The following BMPR1A variants were observed in gnomAD, a reference collection of about 807,000 sequenced individuals.
The protein encoded by BMPR1A is bone morphogenetic protein receptor type 1A.
In BMPR1A, 7 loss-of-function variants were observed where a neutral mutation model predicts 66.0. That is an observed-to-expected ratio of 0.11 (90% CI 0.06 to 0.20). The LOEUF is 0.20. BMPR1A is among the 10% of genes least tolerant of loss of function. The probability of loss-of-function intolerance (pLI) is 1.00; values close to 1 mark genes in which losing one functional copy is unlikely to be tolerated. For missense variants in BMPR1A, 408 were observed against 669.1 expected, an observed-to-expected ratio of 0.61 and a Z score of 4.31; for synonymous variants, 200 against 229.7, an observed-to-expected ratio of 0.87 and a Z score of 1.17.
intron 1 of BMPR1A, among the ~76,000 whole-genome samples, chr10:86,803,449 T>G (rs575296714): frequency 2.7e-4 from 40 of 150,502 alleles, no homozygotes; most frequent in African/African-American, 9.7e-4. Context: ...AACTTAGACA[T>G]TTTTTTCCCC....
At chr10:86,796,620 A>G (rs1841714737) in intron 1 of BMPR1A, among the ~76,000 whole-genome samples, 1 of 150,914 alleles carries the variant, frequency 6.6e-6, no homozygotes, top group South Asian at 2.1e-4. Flanking sequence ...TCTGTTGCCC[A>G]GGCTGGAGTA....
chr10:86,847,195 T>C (rs555536847), intron 2 of BMPR1A, among the ~76,000 whole-genome samples: 2 of 152,242 alleles, frequency 1.3e-5, no homozygotes, highest in South Asian at 4.2e-4. Context: ...GTTTGGGAAC[T>C]TGCAGCTCCA....
At position 86,925,971 on chromosome 10, in the gene BMPR1A, C is replaced by G; in HGVS notation, c.*2252C>G. On this transcript the variant is annotated 3_prime_UTR_variant, in exon 13 of 13. Transcript: ENST00000372037. The stretch of plus-strand genomic sequence containing the variant: ...CTCAATCTCCTGACCTCATGATCCA[C>G]CTGCCTCGGCCTCCCAAAGTTCATT... 1 of 169,490 alleles carries G rather than the reference C, an allele frequency of 5.9e-6. No homozygotes were observed. The highest frequency in any genetic ancestry group is 1.1e-4 in the East Asian group (1 of 8,952). The allele number at this position is 169,490 out of a possible 1,614,324, so 10.5% of individuals were successfully genotyped here.
intron 1 of BMPR1A, among the ~76,000 whole-genome samples, chr10:86,814,043 T>C (rs1842003871): frequency 6.6e-6 from 1 of 152,208 alleles, no homozygotes; most frequent in African/African-American, 2.4e-5. Context: ...CCCTTATAAA[T>C]TACTTGATGT....
intron 1 of BMPR1A, among the ~76,000 whole-genome samples, chr10:86,763,194 A>G (rs1259584055): frequency 6.6e-6 from 1 of 152,168 alleles, no homozygotes; most frequent in Non-Finnish European, 1.5e-5. Context: ...GCGCCCGGCC[A>G]GAAGTATTCG....
At chr10:86,810,131 C>T (rs903255656) in intron 1 of BMPR1A, among the ~76,000 whole-genome samples, 26 of 151,880 alleles carry the variant, frequency 1.7e-4, no homozygotes, top group Non-Finnish European at 1.0e-4. Context: ...CCACCACGCC[C>T]GACTAATTTT....
chr10:86,768,322 T>C (rs1038341982), intron 1 of BMPR1A, among the ~76,000 whole-genome samples: 6 of 152,224 alleles, frequency 3.9e-5, no homozygotes, highest in African/African-American at 7.2e-5. Flanking sequence ...AAAACTGTTA[T>C]CCAAAATGAA....
At chr10:86,768,917 G>T (rs1278097357) in intron 1 of BMPR1A, among the ~76,000 whole-genome samples, 1 of 135,840 alleles carries the variant, frequency 7.4e-6, no homozygotes, top group Non-Finnish European at 1.5e-5. Context: ...GCAGTTCAGT[G>T]CTTAACACTG....
chr10:86,801,039 T>C (rs1841804733), intron 1 of BMPR1A, among the ~76,000 whole-genome samples: 2 of 152,232 alleles, frequency 1.3e-5, no homozygotes, highest in Admixed American at 1.3e-4. Context: ...TCTGGAAATA[T>C]TGTTTGCATA....
chr10:86,766,996 G>GT lies in BMPR1A; in HGVS notation c.-268+10078dup, dbSNP rs1378449378. On this transcript the variant is annotated intron_variant, in intron 1 of 12. Coordinates refer to ENST00000372037, the MANE Select transcript of BMPR1A (RefSeq NM_004329.3). The stretch of plus-strand genomic sequence containing the variant: ...ACGTCACCATGTCCAGCTAATTTTT[G>GT]TATTTTTAGTAGAGACAGGGTTTCA... 4.6e-5 allele frequency among the ~76,000 whole-genome samples: 7 copies of GT among 152,130 alleles called. No homozygotes were observed. In the East Asian group the frequency reaches 7.7e-4, roughly 17 times the overall value.
At chr10:86,855,156 A>G in intron 2 of BMPR1A, 1 of 418,784 alleles carries the variant, frequency 2.4e-6, no homozygotes, top group Non-Finnish European at 4.3e-6. Context: ...TCCTGACATC[A>G]GGTGATCAAC....
At chr10:86,888,028 G>A (rs1033650535) in intron 3 of BMPR1A, among the ~76,000 whole-genome samples, 10 of 151,952 alleles carry the variant, frequency 6.6e-5, no homozygotes, top group African/African-American at 2.4e-4. Flanking sequence ...AGGTCTTTCC[G>A]CTTTGTAGCA....
At chr10:86,849,008 C>A (rs1441267012) in intron 2 of BMPR1A, among the ~76,000 whole-genome samples, 6 of 152,166 alleles carry the variant, frequency 3.9e-5, no homozygotes, top group African/African-American at 1.4e-4. Flanking sequence ...TCACCCTGTC[C>A]CTTTCATCCC....
chr10:86,816,365 T>C (rs1016733936), intron 1 of BMPR1A, among the ~76,000 whole-genome samples: 1 of 152,200 alleles, frequency 6.6e-6, no homozygotes, highest in Non-Finnish European at 1.5e-5. Flanking sequence ...GCTTAGAAAA[T>C]TTAAAATTAT....
downstream of BMPR1A, chr10:86,929,781 C>A (rs1252861537): frequency 6.6e-6 from 1 of 152,210 alleles, no homozygotes; most frequent in Non-Finnish European, 1.5e-5. Context: ...ATCTGTTAGT[C>A]TCACTGCTCC....
chr10:86,790,222 T>TATATATATATATATAAAA (rs1841593777), intron 1 of BMPR1A, among the ~76,000 whole-genome samples: 2 of 57,154 alleles, frequency 3.5e-5, no homozygotes, highest in African/African-American at 1.2e-4. Flanking sequence ...TATATATATA[T>TATATATATATATATAAAA]ATATATATAT....
intron 2 of BMPR1A, among the ~76,000 whole-genome samples, chr10:86,844,899 C>T (rs967008294): frequency 1.3e-5 from 2 of 152,194 alleles, no homozygotes; most frequent in Admixed American, 1.3e-4. Context: ...GCCTCAGCCT[C>T]CCGAGAGGCT....
At chr10:86,867,339 A>C (rs1842799469) in intron 2 of BMPR1A, among the ~76,000 whole-genome samples, 1 of 152,234 alleles carries the variant, frequency 6.6e-6, no homozygotes. Flanking sequence ...TCTGGTCCCA[A>C]GCATTTCTAA....
chr10:86,844,095 T>G (rs1360856734), intron 2 of BMPR1A, among the ~76,000 whole-genome samples: 1 of 152,182 alleles, frequency 6.6e-6, no homozygotes. Flanking sequence ...CTTTTCTAAA[T>G]GTAGAGAAAC....
Sources: allele counts gnomAD v4.1 joint callset (sites outside exome capture counted in the v4.1 genomes callset), GRCh38; gene constraint gnomAD v4.1.1; transcripts MANE v1.5; gene names NCBI Gene and HGNC (gene_info 2026-07-23, HGNC 2026-07-21).